CRIM1: variants seen among roughly 807,000 people sequenced by gnomAD.
The protein encoded by CRIM1 is cysteine rich transmembrane BMP regulator 1.
Under a neutral mutation model 116.4 loss-of-function variants are expected in CRIM1, and 32 were observed. The ratio of observed to expected loss-of-function variants is 0.27; its 90% CI spans 0.21 to 0.37. The LOEUF is 0.37. Among genes scored for constraint, CRIM1 ranks in the 10% least tolerant of loss-of-function variants. The pLI is 1.00. For synonymous variants in CRIM1, 590 were observed against 509.2 expected (o/e 1.16, Z -2.13); for missense variants, 1,331 against 1,354.8 (o/e 0.98, Z 0.28).
chr2:36,407,181 A>T (rs1672872062), intron 2 of CRIM1, among the ~76,000 whole-genome samples: 1 of 152,166 alleles, frequency 6.6e-6, no homozygotes, highest in African/African-American at 2.4e-5. Flanking sequence ...GACAATCACA[A>T]ATTGACAATA....
chr2:36,414,425 CA>C (rs1330542694), intron 2 of CRIM1, among the ~76,000 whole-genome samples: 1 of 152,148 alleles, frequency 6.6e-6, no homozygotes, highest in African/African-American at 2.4e-5. Context: ...ATTCATTCAA[CA>C]AATATTTATT....
intron 2 of CRIM1, among the ~76,000 whole-genome samples, chr2:36,419,597 G>T (rs1218618666): frequency 2.6e-5 from 4 of 152,162 alleles, no homozygotes; most frequent in Non-Finnish European, 5.9e-5. Context: ...GAGACTGAAT[G>T]CACTGATTTT....
chr2:36,474,724 T>C (rs560095676), intron 5 of CRIM1, among the ~76,000 whole-genome samples: 32 of 151,880 alleles, frequency 2.1e-4, no homozygotes, highest in African/African-American at 7.5e-4. Flanking sequence ...GTCATGCACC[T>C]GTAGTCCCAG....
chr2:36,433,766 C>T (rs543592873), intron 2 of CRIM1, among the ~76,000 whole-genome samples: 8 of 152,238 alleles, frequency 5.3e-5, no homozygotes, highest in African/African-American at 1.9e-4. Flanking sequence ...TTACAGATCA[C>T]TTTTTTCCCT....
chr2:36,550,717 A>AATG lies in CRIM1; in HGVS notation c.*2019_*2021dup, dbSNP rs1266515013. On this transcript the variant is annotated 3_prime_UTR_variant, in exon 17 of 17. Transcript: ENST00000280527. ...TTATCTTTTCCAAAATAAATTTGTTAATGATACATTACAAAAATAGATTGA... is the reference window on the plus strand; with the variant it reads ...TTATCTTTTCCAAAATAAATTTGTTAATGATGATACATTACAAAAATAGATTGA... The AATG allele has an allele frequency of 6.6e-6, 1 of 152,568 alleles. No individual in the cohort carries two copies. Among genetic ancestry groups the AATG allele is most frequent in the African/African-American group, 2.4e-5 (1 of 41,454 alleles). 9.5% of individuals were successfully genotyped at this position (152,568 alleles called of 1,614,324 possible).
chr2:36,523,535 C>G (rs563384007), intron 13 of CRIM1, among the ~76,000 whole-genome samples: 1 of 152,310 alleles, frequency 6.6e-6, no homozygotes, highest in South Asian at 2.1e-4. Flanking sequence ...AGCCCGTGTT[C>G]CCTGGGCTTT....
Position 36,517,551 on chromosome 2 carries a change from C to T in CRIM1, c.2206+9C>T. On this transcript the variant is annotated intron_variant, in intron 12 of 16. Transcript: ENST00000280527. ...CTGCCCACAGTGTACAGGTAAGCGA[C>T]ACCATGCCTTGTGGGTGCTTGGTGG... 7 of 1,603,886 alleles carry T rather than the reference C, an allele frequency of 4.4e-6. No homozygotes were observed. Among genetic ancestry groups the T allele is most frequent in the Non-Finnish European group, 6.0e-6 (7 of 1,172,174 alleles).
At chr2:36,460,532 A>G (rs1415615143) in intron 4 of CRIM1, among the ~76,000 whole-genome samples, 1 of 152,218 alleles carries the variant, frequency 6.6e-6, no homozygotes, top group African/African-American at 2.4e-5. Context: ...ACTTATCGTA[A>G]GTGAATTATA....
At chr2:36,451,236 C>G (rs1192473817) in intron 4 of CRIM1, among the ~76,000 whole-genome samples, 1 of 152,028 alleles carries the variant, frequency 6.6e-6, no homozygotes, top group East Asian at 1.9e-4. Context: ...ACAGATATGA[C>G]CAATGCCAGT....
At position 36,544,426 on chromosome 2, in the gene CRIM1, C is replaced by A; in HGVS notation, c.2674C>A (p.Arg892=). ...TATACCCATTGAGAAGACAAACCAT[C>A]GAGGAGAGGTTGACCTGGAGGTTCC... ...TNIPIEKTNH[R]GEVDLEVPLW... is the part of the protein sequence containing the mutation. The change falls in exon 15 of 17, where the codon CGA becomes AGA. Residue 892 remains arginine, a synonymous_variant. Coordinates refer to ENST00000280527, the MANE Select transcript of CRIM1 (RefSeq NM_016441.3). The A allele has an allele frequency of 7.0e-7, 1 of 1,430,592 alleles. No individual in the cohort carries two copies. The highest frequency in any genetic ancestry group is 9.2e-7 in the Non-Finnish European group (1 of 1,086,670). 88.6% of individuals were successfully genotyped at this position (1,430,592 alleles called of 1,614,324 possible).
At chr2:36,508,263 C>T (rs1681568980) in intron 8 of CRIM1, among the ~76,000 whole-genome samples, 1 of 152,108 alleles carries the variant, frequency 6.6e-6, no homozygotes, top group Non-Finnish European at 1.5e-5. Context: ...GAAAATTACA[C>T]CATAAATCAC....
chr2:36,482,935 C>G (rs1038744628), intron 7 of CRIM1, among the ~76,000 whole-genome samples: 10 of 152,120 alleles, frequency 6.6e-5, no homozygotes, highest in African/African-American at 2.4e-4. Flanking sequence ...TTTGGTTACT[C>G]CTGGAGGACT....
intron 4 of CRIM1, among the ~76,000 whole-genome samples, chr2:36,457,211 T>C (rs1677203863): frequency 6.6e-6 from 1 of 152,188 alleles, no homozygotes; most frequent in African/African-American, 2.4e-5. Flanking sequence ...ACATAAGTTC[T>C]TTAGCGGTGA....
intron 1 of CRIM1, among the ~76,000 whole-genome samples, chr2:36,357,139 C>T (rs974260152): frequency 1.3e-5 from 2 of 152,282 alleles, no homozygotes; most frequent in South Asian, 2.1e-4. Flanking sequence ...TTATTTTTTC[C>T]TTGAGCTCTT....
At chr2:36,463,755 G>A (rs1338035593) in intron 4 of CRIM1, among the ~76,000 whole-genome samples, 8 of 152,072 alleles carry the variant, frequency 5.3e-5, no homozygotes, top group Non-Finnish European at 7.3e-5. Context: ...CAGCATCGAA[G>A]TTAGGGGTGA....
intron 5 of CRIM1, 115 bp downstream of exon 5, chr2:36,464,770 T>C: frequency 3.2e-6 from 4 of 1,238,022 alleles, no homozygotes; most frequent in Non-Finnish European, 4.6e-6. Context: ...TTCAGGGGCT[T>C]GCTGAAGGGC....
intron 8 of CRIM1, among the ~76,000 whole-genome samples, chr2:36,503,176 G>A (rs902085730): frequency 1.2e-4 from 19 of 152,096 alleles, no homozygotes; most frequent in Non-Finnish European, 2.6e-4. Context: ...AGATTCTTGC[G>A]ATCGTATGCA....
intron 13 of CRIM1, among the ~76,000 whole-genome samples, chr2:36,523,779 C>T (rs1383459852): frequency 1.3e-5 from 2 of 152,152 alleles, no homozygotes; most frequent in Non-Finnish European, 2.9e-5. Context: ...AGTTTTGTGG[C>T]ATTTCTGATA....
intron 12 of CRIM1, among the ~76,000 whole-genome samples, chr2:36,519,056 A>T (rs945314898): frequency 1.6e-4 from 25 of 152,164 alleles, no homozygotes; most frequent in Admixed American, 6.5e-4. Context: ...AACATAGGCA[A>T]TCCGGGAAAC....
Sources: gnomAD v4.1 joint callset for allele counts (sites outside exome capture counted in the v4.1 genomes callset) on GRCh38, gnomAD v4.1.1 for gene constraint, MANE v1.5 for transcripts, NCBI Gene and HGNC (gene_info 2026-07-23, HGNC 2026-07-21) for gene names.